Variants in FAM98B observed in about 807,000 individuals in gnomAD.
FAM98B encodes the protein tRNA splicing ligase complex subunit 3B.
In FAM98B, 32 loss-of-function variants were observed where a neutral mutation model predicts 43.9. The ratio of observed to expected loss-of-function variants is 0.73; its 90% CI spans 0.55 to 0.98. FAM98B has a LOEUF of 0.98. Among genes scored for constraint, FAM98B ranks in the 50% least tolerant of loss-of-function variants. The probability of loss-of-function intolerance (pLI) is 0.00; values close to 1 mark genes in which losing one functional copy is unlikely to be tolerated. For synonymous variants in FAM98B, 190 were observed against 174.0 expected (o/e 1.09, Z -0.72); for missense variants, 514 against 522.9 (o/e 0.98, Z 0.17).
chr15:38,482,468 C>T (rs1397602842), intron 7 of FAM98B: 1 of 152,088 alleles, frequency 6.6e-6, no homozygotes, highest in African/African-American at 2.4e-5. Context: ...CTCCATATGC[C>T]CACCAACATA....
rs1464980110 is a variant in FAM98B at position 38,484,813 on chromosome 15, G to GT, written c.*160dup. 5.1e-6 allele frequency: 6 copies of GT among 1,167,148 alleles called. No homozygotes were observed. Among genetic ancestry groups the GT allele is most frequent in the Non-Finnish European group, 5.6e-6 (5 of 891,564 alleles). 72.3% of individuals were successfully genotyped at this position (1,167,148 alleles called of 1,614,324 possible). ...GAATTGGTTAATATGTAAGAACATT[G>GT]TTTTTTATTACCAGTTGATCTCTCA... On this transcript the variant is annotated 3_prime_UTR_variant, in exon 8 of 8. Coordinates refer to ENST00000397609, the MANE Select transcript of FAM98B (RefSeq NM_173611.4).
chr15:38,478,678 C>T (rs1350168135), intron 6 of FAM98B, among the ~76,000 whole-genome samples: 1 of 152,048 alleles, frequency 6.6e-6, no homozygotes, highest in Non-Finnish European at 1.5e-5. Context: ...ATGATGTATT[C>T]CTAAAAGTGA....
intron 7 of FAM98B, 166 bp downstream of exon 7, chr15:38,481,625 A>G: frequency 1.3e-6 from 2 of 1,549,802 alleles, no homozygotes; most frequent in Non-Finnish European, 1.7e-6. Flanking sequence ...GTATGTGTGT[A>G]TGTTCACTTG....
chr15:38,472,546 T>C (rs571146759), intron 4 of FAM98B, among the ~76,000 whole-genome samples: 5 of 152,026 alleles, frequency 3.3e-5, no homozygotes, highest in Non-Finnish European at 7.4e-5. Context: ...TTTAAGTATA[T>C]ATATATAGTT....
intron 2 of FAM98B, among the ~76,000 whole-genome samples, chr15:38,464,410 C>T (rs1279207096): frequency 6.6e-6 from 1 of 151,988 alleles, no homozygotes; most frequent in Non-Finnish European, 1.5e-5. Context: ...TTTTTCTCTT[C>T]CTGACGGCTC....
chr15:38,480,170 A>G (rs1890261776), intron 6 of FAM98B, among the ~76,000 whole-genome samples: 1 of 152,130 alleles, frequency 6.6e-6, no homozygotes, highest in Admixed American at 6.5e-5. Context: ...TAATTTTTAT[A>G]ATGTAGTTGT....
intron 2 of FAM98B, 122 bp downstream of exon 2, chr15:38,464,299 G>A: frequency 1.1e-6 from 1 of 889,434 alleles, no homozygotes; most frequent in Non-Finnish European, 1.6e-6. Flanking sequence ...AAGAATTTCA[G>A]TATGTGGTAG....
At chr15:38,481,857 A>T in intron 7 of FAM98B, 1 of 324,256 alleles carries the variant, frequency 3.1e-6, no homozygotes, top group South Asian at 4.1e-5. Flanking sequence ...CTGGGTTCCC[A>T]TCCTGGCTCT....
Position 38,484,172 on chromosome 15 carries a change from T to C in FAM98B, c.898-83T>C, listed in dbSNP as rs1890328075. On this transcript the variant is annotated intron_variant, in intron 7 of 7. Transcript: ENST00000397609. ...CATGTCCTTAAATATTGGCTTCTGT[T>C]TATTAGAAACAACATCACTTGAAAC... 3.7e-5 allele frequency: 47 copies of C among 1,281,978 alleles called. No homozygotes were observed. The South Asian group carries it at 6.2e-4, about 17-fold the overall frequency. The allele number at this position is 1,281,978 out of a possible 1,614,324, so 79.4% of individuals were successfully genotyped here.
chr15:38,472,063 G>A (rs1890137632), intron 4 of FAM98B, among the ~76,000 whole-genome samples: 1 of 152,160 alleles, frequency 6.6e-6, no homozygotes, highest in Non-Finnish European at 1.5e-5. Context: ...TTTCTAAATG[G>A]TGGTAGACCT....
intron 5 of FAM98B, 76 bp downstream of exon 5, chr15:38,473,661 A>G: frequency 8.7e-7 from 1 of 1,143,070 alleles, no homozygotes; most frequent in South Asian, 1.5e-5. Context: ...ATGAACATCT[A>G]TTTTGCAATA....
At chr15:38,473,356 G>T (rs546377161) in intron 4 of FAM98B, 149 bp from the exon 5 acceptor site, 2 of 552,806 alleles carry the variant, frequency 3.6e-6, no homozygotes, top group South Asian at 2.9e-5. Context: ...ACTCTGTATT[G>T]TAGTGGTATT....
chr15:38,472,544 T>C (rs1478898399), intron 4 of FAM98B, among the ~76,000 whole-genome samples: 1 of 151,962 alleles, frequency 6.6e-6, no homozygotes, highest in Non-Finnish European at 1.5e-5. Context: ...ATTTTAAGTA[T>C]ATATATATAG....
intron 1 of FAM98B, among the ~76,000 whole-genome samples, chr15:38,455,972 T>C (rs764395740): frequency 1.3e-5 from 2 of 152,234 alleles, no homozygotes; most frequent in Non-Finnish European, 2.9e-5. Flanking sequence ...GTGAAAAAAG[T>C]AGTTATTTAC....
chr15:38,464,009 A>G lies in FAM98B; in HGVS notation c.72-23A>G, dbSNP rs115130035. The stretch of plus-strand genomic sequence containing the variant: ...TGTTTGATTGGCTTATTTAGTTTTT[A>G]ACTTGTATTTCTTCCTTTCTAGGTA... On this transcript the variant is annotated intron_variant, in intron 1 of 7. Transcript: ENST00000397609. 2,160 of 1,572,552 alleles carry G rather than the reference A, an allele frequency of 1.4e-3. 28 individuals are homozygous for G. In the African/African-American group the frequency reaches 0.025, roughly 18 times the overall value.
intron 6 of FAM98B, among the ~76,000 whole-genome samples, chr15:38,480,204 A>C (rs917924971): frequency 6.6e-6 from 1 of 152,320 alleles, no homozygotes; most frequent in Admixed American, 6.5e-5. Context: ...ATTAAACCTC[A>C]AACAGTTAAC....
chr15:38,474,426 C>A, intron 6 of FAM98B, 128 bp downstream of exon 6: 2 of 579,368 alleles, frequency 3.5e-6, no homozygotes, highest in South Asian at 6.6e-5. Flanking sequence ...CCCAGGCCAA[C>A]TACTGGTCTT....
At chr15:38,469,212 A>ACCGCAGTGAAGTAGTG (rs143810868) in intron 3 of FAM98B, among the ~76,000 whole-genome samples, 1 of 152,008 alleles carries the variant, frequency 6.6e-6, no homozygotes, top group Non-Finnish European at 1.5e-5. Context: ...AGCCAAAAAC[A>ACCGCAGTGAAGTAGTG]AAGTCTTACC....
In FAM98B at chr15:38,487,647, T is replaced by C. The variant is rs537231000; in HGVS notation, c.*2988T>C. 2.0e-5 allele frequency: 3 copies of C among 152,144 alleles called. No individual in the cohort carries two copies. The highest frequency in any genetic ancestry group is 4.4e-5 in the Non-Finnish European group (3 of 67,958). The allele number at this position is 152,144 out of a possible 1,614,324, so 9.4% of individuals were successfully genotyped here. A position where few individuals can be genotyped will look rare whatever the true frequency, so the allele number is the denominator to read the frequency against. The stretch of plus-strand genomic sequence containing the variant: ...GGGGATTAAGGGAAAATTGTGGCTA[T>C]GTCTGATCATTCTAAATAATCATGA... On this transcript the variant is annotated 3_prime_UTR_variant, in exon 8 of 8. Transcript: ENST00000397609.
Sources: gnomAD v4.1 joint callset for allele counts (sites outside exome capture counted in the v4.1 genomes callset) on GRCh38, gnomAD v4.1.1 for gene constraint, MANE v1.5 for transcripts, NCBI Gene and HGNC (gene_info 2026-07-23, HGNC 2026-07-21) for gene names.